The following ARHGAP17 variants were observed in gnomAD, a reference collection of about 807,000 sequenced individuals.
The protein encoded by ARHGAP17 is rho GTPase-activating protein 17.
A neutral mutation model predicts 99.5 loss-of-function variants in ARHGAP17; 57 were observed. That is an observed-to-expected ratio of 0.57 (90% confidence interval 0.46 to 0.71). The LOEUF is 0.71. ARHGAP17 is among the 30% of genes least tolerant of loss of function. The pLI, the probability that ARHGAP17 is intolerant of heterozygous loss-of-function variation, is 0.00. For synonymous variants in ARHGAP17, 417 were observed against 429.6 expected (o/e 0.97, Z 0.36); for missense variants, 1,000 against 1,122.4 (o/e 0.89, Z 1.56).
chr16:24,974,140 T>C (rs1319496910), intron 3 of ARHGAP17, among the ~76,000 whole-genome samples: 1 of 152,190 alleles, frequency 6.6e-6, no homozygotes, highest in Non-Finnish European at 1.5e-5. Context: ...ACAAAACATT[T>C]AGCATCTTGG....
chr16:24,947,644 GGA>G (rs1264296321), intron 13 of ARHGAP17, 49 bp from the exon 14 acceptor site: 1 of 1,497,712 alleles, frequency 6.7e-7, no homozygotes, highest in South Asian at 1.1e-5. Context: ...AATAGCTGCT[GGA>G]ATGTTCTCTT....
intron 1 of ARHGAP17, among the ~76,000 whole-genome samples, chr16:24,988,615 G>A (rs905600253): frequency 6.6e-6 from 1 of 152,106 alleles, no homozygotes; most frequent in Non-Finnish European, 1.5e-5. Flanking sequence ...TGACTAAGAT[G>A]AACAGTTACA....
At chr16:24,924,095 G>A (rs561696923) in intron 19 of ARHGAP17, among the ~76,000 whole-genome samples, 19 of 152,224 alleles carry the variant, frequency 1.2e-4, no homozygotes, top group South Asian at 1.0e-3. Flanking sequence ...ACTGCAGGGC[G>A]AATAAACTCC....
intron 16 of ARHGAP17, among the ~76,000 whole-genome samples, chr16:24,940,613 G>A (rs2051286283): frequency 6.6e-6 from 1 of 152,092 alleles, no homozygotes; most frequent in African/African-American, 2.4e-5. Flanking sequence ...AGGTGGGAGG[G>A]CTGCCTGAGC....
At chr16:24,934,484 C>T (rs1433861576) in intron 18 of ARHGAP17, among the ~76,000 whole-genome samples, 1 of 148,758 alleles carries the variant, frequency 6.7e-6, no homozygotes, top group African/African-American at 2.5e-5. Flanking sequence ...GATGGGGTCT[C>T]ACTCTGTTGT....
intron 1 of ARHGAP17, among the ~76,000 whole-genome samples, chr16:24,981,657 T>C (rs2052677932): frequency 6.6e-6 from 1 of 152,230 alleles, no homozygotes; most frequent in Non-Finnish European, 1.5e-5. Flanking sequence ...GAACCCACCG[T>C]ATTTTGTGGT....
At chr16:24,927,349 T>C (rs571813130) in intron 19 of ARHGAP17, among the ~76,000 whole-genome samples, 202 of 152,354 alleles carry the variant, frequency 1.3e-3, no homozygotes, top group African/African-American at 4.5e-3. Flanking sequence ...TAGCCTATGT[T>C]ATACCAAGAG....
intron 19 of ARHGAP17, among the ~76,000 whole-genome samples, chr16:24,930,112 T>C (rs1362375276): frequency 6.6e-6 from 1 of 152,222 alleles, no homozygotes. Flanking sequence ...ATTAAAAATA[T>C]GCCATTAGGT....
intron 3 of ARHGAP17, among the ~76,000 whole-genome samples, chr16:24,973,412 T>A (rs961461657): frequency 6.6e-6 from 1 of 152,182 alleles, no homozygotes; most frequent in Non-Finnish European, 1.5e-5. Context: ...TCCATATTAG[T>A]CTTCTCTCAC....
At chr16:25,012,735 G>C (rs908536458) in intron 1 of ARHGAP17, among the ~76,000 whole-genome samples, 7 of 152,208 alleles carry the variant, frequency 4.6e-5, no homozygotes. Context: ...GTTAAAAACA[G>C]ATGTTCTGAC....
At chr16:24,952,693 T>A (rs1416583786) in intron 11 of ARHGAP17, among the ~76,000 whole-genome samples, 1 of 152,190 alleles carries the variant, frequency 6.6e-6, no homozygotes, top group African/African-American at 2.4e-5. Flanking sequence ...TGTCTCCAAA[T>A]ATTTGCATTA....
intron 9 of ARHGAP17, among the ~76,000 whole-genome samples, chr16:24,958,596 T>G (rs1422575685): frequency 6.6e-6 from 1 of 152,240 alleles, no homozygotes; most frequent in Non-Finnish European, 1.5e-5. Context: ...GCTGAAGATC[T>G]GACTATATGG....
chr16:24,995,704 A>G (rs750911889), intron 1 of ARHGAP17, among the ~76,000 whole-genome samples: 7 of 152,228 alleles, frequency 4.6e-5, no homozygotes, highest in South Asian at 2.1e-4. Context: ...ACCAAACTGA[A>G]GGACTGCGGA....
chr16:24,947,431 C>T, intron 14 of ARHGAP17, 51 bp downstream of exon 14: 1 of 1,459,928 alleles, frequency 6.8e-7, no homozygotes. Context: ...TCTATGCATC[C>T]CATCAGGTGG....
chr16:24,966,220 G>A (rs1010029558), intron 6 of ARHGAP17, among the ~76,000 whole-genome samples: 1 of 152,192 alleles, frequency 6.6e-6, no homozygotes, highest in South Asian at 2.1e-4. Flanking sequence ...GTACAGGCCA[G>A]GTGTGATGAC....
At chr16:24,958,913 G>A (rs1328720013) in intron 9 of ARHGAP17, among the ~76,000 whole-genome samples, 4 of 152,122 alleles carry the variant, frequency 2.6e-5, no homozygotes, top group South Asian at 2.1e-4. Flanking sequence ...ATCCAAAGAC[G>A]GCCGAGCAAT....
chr16:25,009,152 G>A (rs1049053455), intron 1 of ARHGAP17, among the ~76,000 whole-genome samples: 2 of 152,158 alleles, frequency 1.3e-5, no homozygotes, highest in Non-Finnish European at 2.9e-5. Context: ...GATCACCTGA[G>A]GTCAGGGGTT....
intron 1 of ARHGAP17, among the ~76,000 whole-genome samples, chr16:25,011,565 C>A (rs1555472570): frequency 6.6e-6 from 1 of 152,050 alleles, no homozygotes; most frequent in Non-Finnish European, 1.5e-5. Context: ...ATCAGTCGGG[C>A]ATGGTGGTAC....
intron 7 of ARHGAP17, among the ~76,000 whole-genome samples, chr16:24,961,913 A>T (rs1236531627): frequency 8.8e-6 from 1 of 113,962 alleles, no homozygotes; most frequent in South Asian, 2.8e-4. Flanking sequence ...TAGGAATTTT[A>T]TATATATATA....
Sources: allele counts gnomAD v4.1 joint callset (sites outside exome capture counted in the v4.1 genomes callset), GRCh38; gene constraint gnomAD v4.1.1; transcripts MANE v1.5; gene names NCBI Gene and HGNC (gene_info 2026-07-23, HGNC 2026-07-21).